The following CCDC34 variants were observed in gnomAD, a reference collection of about 807,000 sequenced individuals.
CCDC34 encodes coiled-coil domain containing 34.
In CCDC34, 40 loss-of-function variants were observed where a neutral mutation model predicts 44.1. That is an observed-to-expected ratio of 0.91 (90% CI 0.70 to 1.18). The LOEUF is 1.18. Ranked by LOEUF, CCDC34 falls within the 50% of genes most tolerant of loss-of-function variation. CCDC34 has a pLI of 0.00. For missense variants in CCDC34, 466 were observed against 452.3 expected (o/e 1.03, Z -0.28); for synonymous variants, 159 against 158.2 (o/e 1.01, Z -0.04).
chr11:27,349,828 A>G (rs1862479728), intron 3 of CCDC34: 1 of 964,524 alleles, frequency 1.0e-6, no homozygotes, highest in Non-Finnish European at 1.2e-6. Context: ...ACAATCCAGT[A>G]TAAGAAGTAA....
Position 27,344,382 on chromosome 11 carries a change from A to G in CCDC34, c.607-2832T>C, listed in dbSNP as rs186470712. On this transcript the variant is annotated intron_variant, in intron 3 of 5. Transcript: ENST00000328697. ...CACATGCATGCTGCATGTTATAAACACATGCATGCTGCATGTTACAAACAT... is the reference window on the plus strand; with the variant it reads ...CACATGCATGCTGCATGTTATAAACGCATGCATGCTGCATGTTACAAACAT... 7.0e-4 allele frequency among the ~76,000 whole-genome samples: 106 copies of G among 152,180 alleles called. 1 individual carries two copies. In the East Asian group the frequency reaches 0.017, roughly 25 times the overall value.
chr11:27,362,598 T>G (rs1862681732), intron 1 of CCDC34, among the ~76,000 whole-genome samples: 1 of 152,078 alleles, frequency 6.6e-6, no homozygotes, highest in South Asian at 2.1e-4. Context: ...TTCTGGGAAG[T>G]GAGACTGCAG....
In CCDC34 at chr11:27,338,984, G is replaced by A. The variant is rs762461326; in HGVS notation, c.959C>T (p.Pro320Leu). 54 of 1,613,336 alleles carry A rather than the reference G, an allele frequency of 3.3e-5. No individual in the cohort carries two copies. The highest frequency in any genetic ancestry group is 4.2e-5 in the Non-Finnish European group (50 of 1,179,832). ...YPEPAFYNPIPWKPIHMPPPK... is the reference protein window; with the variant it reads ...YPEPAFYNPILWKPIHMPPPK... The stretch of plus-strand genomic sequence containing the variant: ...AGGTGGCATATGAATTGGTTTCCAC[G>A]GAATTGGATTATAAAAGGCTGGTTC... The change falls in exon 6 of 6, where the codon CCG becomes CTG. Residue 320 changes from proline to leucine, a missense_variant. Coordinates refer to ENST00000328697, the MANE Select transcript of CCDC34 (RefSeq NM_030771.2).
At chr11:27,359,660 T>C (rs897608377) in intron 1 of CCDC34, among the ~76,000 whole-genome samples, 3 of 152,160 alleles carry the variant, frequency 2.0e-5, no homozygotes, top group African/African-American at 7.2e-5. Flanking sequence ...AGCTAAGCTA[T>C]GTACATTTTT....
At chr11:27,359,311 T>C (rs534653975) in intron 1 of CCDC34, among the ~76,000 whole-genome samples, 47 of 152,156 alleles carry the variant, frequency 3.1e-4, no homozygotes, top group African/African-American at 1.1e-3. Context: ...TTTCACTCAC[T>C]AGGAACCCCT....
chr11:27,347,906 G>GA (rs1173730866), intron 3 of CCDC34, among the ~76,000 whole-genome samples: 5 of 151,568 alleles, frequency 3.3e-5, no homozygotes, highest in Admixed American at 6.6e-5. Flanking sequence ...AATTAATTCT[G>GA]AAAAAAAATC....
chr11:27,362,174 T>C (rs1329571197), intron 1 of CCDC34, among the ~76,000 whole-genome samples: 1 of 152,232 alleles, frequency 6.6e-6, no homozygotes, highest in Non-Finnish European at 1.5e-5. Context: ...CGGTCCCCAG[T>C]ACGTAGACTA....
chr11:27,349,897 A>G, intron 3 of CCDC34: 1 of 1,007,136 alleles, frequency 9.9e-7, no homozygotes, highest in Non-Finnish European at 1.2e-6. Context: ...GTAATTGTAA[A>G]GAAAAGGAGG....
chr11:27,349,748 T>C (rs1164221561), intron 3 of CCDC34: 3 of 957,546 alleles, frequency 3.1e-6, no homozygotes, highest in Non-Finnish European at 3.7e-6. Flanking sequence ...ACATATATCA[T>C]GCGCAGGTAT....
chr11:27,353,357 C>T lies in CCDC34; in HGVS notation c.499-2918G>A, dbSNP rs533045089. Among the ~76,000 whole-genome samples, 14 of 151,124 alleles carry T rather than the reference C, an allele frequency of 9.3e-5. No individual in the cohort carries two copies. In the East Asian group the frequency reaches 2.5e-3, roughly 27 times the overall value. ...AGAAGGCACCAGGACTACTCACAAACTAGGTAATTTTTATAATTTACAACT... is the reference window on the plus strand; with the variant it reads ...AGAAGGCACCAGGACTACTCACAAATTAGGTAATTTTTATAATTTACAACT... On this transcript the variant is annotated intron_variant, in intron 2 of 5. Transcript: ENST00000328697.
intron 3 of CCDC34, among the ~76,000 whole-genome samples, chr11:27,346,474 A>AGAAGGAAGGAAGGAAGGAAGGAAG (rs35249457): frequency 7.8e-6 from 1 of 128,046 alleles, no homozygotes; most frequent in Non-Finnish European, 1.6e-5. Flanking sequence ...GACAGAGGAA[A>AGAAGGAAGGAAGGAAGGAAGGAAG]GAAGGAAGGA....
intron 1 of CCDC34, among the ~76,000 whole-genome samples, chr11:27,362,186 T>C (rs1043732839): frequency 7.9e-5 from 12 of 152,242 alleles, no homozygotes; most frequent in African/African-American, 4.8e-5. Context: ...CGTAGACTAA[T>C]ATGTGGCAAA....
intron 2 of CCDC34, 125 bp from the exon 3 acceptor site, chr11:27,350,564 A>G (rs1218622653): frequency 1.2e-5 from 10 of 826,158 alleles, no homozygotes; most frequent in Admixed American, 3.0e-5. Context: ...AGCATATGCC[A>G]CTAGTGGCAA....
chr11:27,343,817 A>C (rs1862397086), intron 3 of CCDC34, among the ~76,000 whole-genome samples: 1 of 152,200 alleles, frequency 6.6e-6, no homozygotes, highest in Admixed American at 6.5e-5. Context: ...ACAAAGGAGG[A>C]AACTAAGGCA....
intron 2 of CCDC34, among the ~76,000 whole-genome samples, chr11:27,356,311 C>T (rs145517526): frequency 0.014 from 2,129 of 151,884 alleles, 47 homozygotes; most frequent in African/African-American, 0.048. Context: ...CCGCCATGCC[C>T]GGCCAATTCC....
intron 2 of CCDC34, among the ~76,000 whole-genome samples, chr11:27,355,318 T>C (rs991996907): frequency 1.3e-5 from 2 of 152,164 alleles, no homozygotes; most frequent in Non-Finnish European, 2.9e-5. Flanking sequence ...CACATACATA[T>C]GTATAAATAC....
chr11:27,347,112 C>G (rs765279923), intron 3 of CCDC34, among the ~76,000 whole-genome samples: 1 of 152,050 alleles, frequency 6.6e-6, no homozygotes, highest in Non-Finnish European at 1.5e-5. Flanking sequence ...TATGAAAATA[C>G]GCTAAACATC....
chr11:27,346,574 A>G (rs963894815), intron 3 of CCDC34, among the ~76,000 whole-genome samples: 1 of 152,200 alleles, frequency 6.6e-6, no homozygotes, highest in Non-Finnish European at 1.5e-5. Flanking sequence ...AGAGACTTAT[A>G]GTCTGAATAT....
intron 1 of CCDC34, among the ~76,000 whole-genome samples, chr11:27,359,789 C>T (rs1175287374): frequency 6.6e-6 from 1 of 152,176 alleles, no homozygotes; most frequent in East Asian, 1.9e-4. Context: ...TAATATAGTT[C>T]CAGGCACTCA....
Sources: gnomAD v4.1 joint callset for allele counts (sites outside exome capture counted in the v4.1 genomes callset) on GRCh38, gnomAD v4.1.1 for gene constraint, MANE v1.5 for transcripts, NCBI Gene and HGNC (gene_info 2026-07-23, HGNC 2026-07-21) for gene names.